FBRSL1: variants seen among roughly 807,000 people sequenced by gnomAD.
FBRSL1 encodes fibrosin like 1, also known as fibrosin-1-like protein.
Under a neutral mutation model 89.6 loss-of-function variants are expected in FBRSL1, and 51 were observed. The observed-to-expected ratio is 0.57, with a 90% CI of 0.45 to 0.72. The LOEUF (loss-of-function observed/expected upper bound fraction) is 0.72. Ranked by LOEUF, FBRSL1 falls within the 30% of genes least tolerant of loss-of-function variation. The pLI is 0.00. For synonymous variants in FBRSL1, 779 were observed against 681.1 expected, an observed-to-expected ratio of 1.14 and a Z score of -2.24; for missense variants, 1,618 against 1,451.8, an observed-to-expected ratio of 1.11 and a Z score of -1.86.
intron 4 of FBRSL1, among the ~76,000 whole-genome samples, chr12:132,542,464 G>A (rs1566171900): frequency 1.3e-5 from 2 of 152,342 alleles, no homozygotes; most frequent in South Asian, 2.1e-4. Context: ...TTCTGCTGGT[G>A]AGGAGGGGTC....
intron 5 of FBRSL1, among the ~76,000 whole-genome samples, chr12:132,562,569 C>CTACCCCTGCCGGCCCTCAGCAGGTG (rs531628702): frequency 6.7e-6 from 1 of 149,474 alleles, no homozygotes; most frequent in South Asian, 2.1e-4. Flanking sequence ...TGCAGGACCC[C>CTACCCCTGCCGGCCCTCAGCAGGTG]GACCCCGGGG....
In FBRSL1 at chr12:132,570,556, A is replaced by G. The variant is rs3751313; in HGVS notation, c.1213+16A>G. 0.14 allele frequency: 213,230 copies of G among 1,489,838 alleles called. 17,728 individuals are homozygous for G. The highest frequency in any genetic ancestry group is 0.37 in the African/African-American group (26,115 of 70,530). The allele number at this position is 1,489,838 out of a possible 1,614,324, so 92.3% of individuals were successfully genotyped here. A position where few individuals can be genotyped will look rare whatever the true frequency, so the allele number is the denominator to read the frequency against. On this transcript the variant is annotated intron_variant, in intron 8 of 18. Coordinates refer to ENST00000680143, the MANE Select transcript of FBRSL1 (RefSeq NM_001367871.1). ...CACCCGGCCGGTAGGTGTCTCGGCC[A>G]CAATCTCGCCCAGGGCAGGGGTTGG...
intron 4 of FBRSL1, among the ~76,000 whole-genome samples, chr12:132,544,577 G>A (rs558570489): frequency 2.6e-5 from 4 of 152,190 alleles, no homozygotes; most frequent in South Asian, 2.1e-4. Flanking sequence ...GGGTGAGGAC[G>A]ATGACCTGAT....
chr12:132,581,401 C>G (rs2040736312), intron 15 of FBRSL1, 38 bp from the exon 16 acceptor site: 1 of 1,550,760 alleles, frequency 6.4e-7, no homozygotes, highest in Non-Finnish European at 8.7e-7. Flanking sequence ...CCCTGGTGCT[C>G]TCTCCTGGCT....
chr12:132,508,197 G>A lies in FBRSL1; in HGVS notation c.336G>A (p.Glu112=). ...CACATGAGCGGAAGGAGAAGTGGGA[G>A]CGTCGTCTCATCAAGAAGCCCCGGG... is the stretch of plus-strand genomic sequence containing the variant. The part of the protein sequence containing the change: ...LKPHERKEKW[E]RRLIKKPRES... The change falls in exon 2 of 19, where the codon GAG becomes GAA. Residue 112 remains glutamate, a synonymous_variant. Transcript: ENST00000680143. The A allele has an allele frequency of 1.3e-6, 2 of 1,551,256 alleles. No homozygotes were observed. Among genetic ancestry groups the A allele is most frequent in the African/African-American group, 2.7e-5 (2 of 73,178 alleles).
chr12:132,551,188 C>G (rs940211801), intron 5 of FBRSL1: 5 of 354,786 alleles, frequency 1.4e-5, no homozygotes, highest in Non-Finnish European at 2.8e-5. Flanking sequence ...ATCAGCAGTG[C>G]CCAGAGCCCC....
chr12:132,525,790 C>G lies in FBRSL1; in HGVS notation c.546C>G (p.Leu182=). The change falls in exon 3 of 19, where the codon CTC becomes CTG. Residue 182 remains leucine, a synonymous_variant. Coordinates refer to ENST00000680143, the MANE Select transcript of FBRSL1 (RefSeq NM_001367871.1). ...GDRDSDDDSV[L]EATSSRDPLS... is the part of the protein sequence containing the mutation. Reference sequence around the variant, plus strand: ...GGGACAGTGACGACGACAGCGTCCTCGAAGCCACCAGCTCCCGGGACCCGC... The same window carrying G: ...GGGACAGTGACGACGACAGCGTCCTGGAAGCCACCAGCTCCCGGGACCCGC... The G allele has an allele frequency of 1.9e-6, 3 of 1,549,846 alleles. No homozygotes were observed. Among genetic ancestry groups the G allele is most frequent in the Non-Finnish European group, 2.6e-6 (3 of 1,146,316 alleles).
chr12:132,506,275 A>G (rs572074523), intron 1 of FBRSL1, among the ~76,000 whole-genome samples: 21 of 152,352 alleles, frequency 1.4e-4, no homozygotes, highest in African/African-American at 4.8e-4. Context: ...TTTTGAAAGC[A>G]GAGTAACACT....
chr12:132,527,929 A>G, intron 3 of FBRSL1, 24 bp from the exon 4 acceptor site: 1 of 1,550,732 alleles, frequency 6.4e-7, no homozygotes, highest in Non-Finnish European at 8.7e-7. Context: ...AGCCTCACTG[A>G]CTGTCCCCTC....
intron 5 of FBRSL1, among the ~76,000 whole-genome samples, chr12:132,549,283 C>G (rs1209165469): frequency 6.6e-6 from 1 of 152,142 alleles, no homozygotes; most frequent in South Asian, 2.1e-4. Flanking sequence ...CAACACACCT[C>G]TCCTCGCCCG....
chr12:132,535,640 G>A (rs1378279192), intron 4 of FBRSL1, among the ~76,000 whole-genome samples: 12 of 152,232 alleles, frequency 7.9e-5, no homozygotes, highest in Non-Finnish European at 1.8e-4. Flanking sequence ...TGAGGCTGTG[G>A]GTGCCCCAAG....
intron 4 of FBRSL1, among the ~76,000 whole-genome samples, chr12:132,532,292 G>A (rs920030927): frequency 6.6e-6 from 1 of 152,126 alleles, no homozygotes; most frequent in Non-Finnish European, 1.5e-5. Context: ...AGGATCACAG[G>A]CCCAGAGAGG....
chr12:132,500,987 C>T (rs572109273), intron 1 of FBRSL1, among the ~76,000 whole-genome samples: 65 of 152,370 alleles, frequency 4.3e-4, no homozygotes, highest in African/African-American at 6.0e-4. Context: ...CTGTGGCCGG[C>T]GTGGCTGCGT....
At chr12:132,551,929 A>C in intron 5 of FBRSL1, 1 of 286,692 alleles carries the variant, frequency 3.5e-6, no homozygotes, top group South Asian at 3.4e-5. Context: ...TGCCACGGCC[A>C]CCTCCAGGGA....
chr12:132,525,699 G>A (rs1324839904), intron 2 of FBRSL1, 35 bp from the exon 3 acceptor site: 2 of 1,512,318 alleles, frequency 1.3e-6, no homozygotes, highest in East Asian at 2.5e-5. Flanking sequence ...GGTGAGGTGG[G>A]GGTTTGCCTG....
rs1418593697 is a variant in FBRSL1 at position 132,582,052 on chromosome 12, C to T, written c.1997-10C>T. 1.9e-6 allele frequency: 3 copies of T among 1,542,870 alleles called. No homozygotes were observed. The highest frequency in any genetic ancestry group is 2.5e-5 in the East Asian group (1 of 40,800). ...GACCCAACCTCATGCTCCCCGGCCT[C>T]TGCCCCCAGCTCCCGGTGGCAGCAT... On this transcript the variant is annotated splice_polypyrimidine_tract_variant and intron_variant, in intron 17 of 18. Transcript: ENST00000680143.
chr12:132,562,076 C>T (rs1479095359), intron 5 of FBRSL1, among the ~76,000 whole-genome samples: 1 of 152,204 alleles, frequency 6.6e-6, no homozygotes, highest in Admixed American at 6.5e-5. Flanking sequence ...CACTATTCCT[C>T]CTGTTTCTCT....
intron 14 of FBRSL1, 127 bp downstream of exon 14, chr12:132,574,691 C>A: frequency 1.7e-6 from 2 of 1,197,662 alleles, no homozygotes; most frequent in Non-Finnish European, 2.3e-6. Context: ...CACGCGTGAG[C>A]CGCCTGCCCC....
intron 2 of FBRSL1, among the ~76,000 whole-genome samples, chr12:132,514,661 T>A (rs1227410846): frequency 1.3e-5 from 2 of 152,084 alleles, no homozygotes; most frequent in Admixed American, 1.3e-4. Flanking sequence ...GCACGAAGCC[T>A]CTCCTAGGGC....
Sources: allele counts gnomAD v4.1 joint callset (sites outside exome capture counted in the v4.1 genomes callset), GRCh38; gene constraint gnomAD v4.1.1; transcripts MANE v1.5; gene names NCBI Gene and HGNC (gene_info 2026-07-23, HGNC 2026-07-21).